NAV2: variants seen among roughly 807,000 people sequenced by gnomAD.
NAV2 encodes neuron navigator 2.
NAV2 carries 54 observed loss-of-function variants against 223.2 expected under a neutral mutation model. The observed-to-expected ratio is 0.24, with a 90% CI of 0.19 to 0.30. NAV2 has a LOEUF of 0.30. NAV2 is among the 10% of genes least tolerant of loss of function. NAV2 has a pLI of 1.00. For synonymous variants in NAV2, 1,279 were observed against 1,239.3 expected, an observed-to-expected ratio of 1.03 and a Z score of -0.67; for missense variants, 2,806 against 3,147.5, an observed-to-expected ratio of 0.89 and a Z score of 2.60.
At chr11:20,096,081 A>T (rs1488617211) in intron 30 of NAV2, among the ~76,000 whole-genome samples, 1 of 152,204 alleles carries the variant, frequency 6.6e-6, no homozygotes, top group Non-Finnish European at 1.5e-5. Context: ...TCACCTTAGA[A>T]TTGTGTCTTA....
rs1210536353 is a variant in NAV2, at chr11:20,027,981, A to T, written c.2769-7978A>T. 2.6e-5 allele frequency among the ~76,000 whole-genome samples: 4 copies of T among 152,356 alleles called. No individual in the cohort carries two copies. In the South Asian group the frequency reaches 8.3e-4, roughly 32 times the overall value. On this transcript the variant is annotated intron_variant, in intron 11 of 37. Transcript: ENST00000349880. The stretch of plus-strand genomic sequence containing the variant: ...TGAGAGATGAAATTGTAAATATCAT[A>T]TCACATTAATTCAGGACCATTACAG...
intron 6 of NAV2, chr11:19,931,851 G>C (rs1278733804): frequency 6.6e-6 from 1 of 152,288 alleles, no homozygotes; most frequent in Non-Finnish European, 1.5e-5. Context: ...CTGAAGGGGT[G>C]TATCCTGTCT....
rs2062547667 is a variant in NAV2, at chr11:20,110,649, C to A, written c.6960+2867C>A. Among the ~76,000 whole-genome samples, 2 of 152,162 alleles carry A rather than the reference C, an allele frequency of 1.3e-5. 1 individual carries two copies. The highest frequency in any genetic ancestry group is 4.1e-4 in the South Asian group (2 of 4,822). Reference sequence around the variant, plus strand: ...GGACACCCATCACTCCACTGAGAAGCCACAGGTGGCTTGGGGAACCAAATA... The same window carrying A: ...GGACACCCATCACTCCACTGAGAAGACACAGGTGGCTTGGGGAACCAAATA... On this transcript the variant is annotated intron_variant, in intron 36 of 37. Transcript: ENST00000349880.
At chr11:19,600,023 AGGAAGCACTGTGAG>A (rs1232362466) in intron 1 of NAV2, among the ~76,000 whole-genome samples, 1 of 152,214 alleles carries the variant, frequency 6.6e-6, no homozygotes, top group African/African-American at 2.4e-5. Flanking sequence ...AAGTGATTCC[AGGAAGCACTGTGAG>A]GGAGTGGGGA....
intron 1 of NAV2, among the ~76,000 whole-genome samples, chr11:19,741,086 GA>G (rs2052756867): frequency 6.6e-6 from 1 of 152,198 alleles, no homozygotes; most frequent in Admixed American, 6.5e-5. Flanking sequence ...AACCTTTTCT[GA>G]CATCAAGGCT....
At chr11:19,377,726 C>T (rs1848689925) in intron 1 of NAV2, among the ~76,000 whole-genome samples, 2 of 152,160 alleles carry the variant, frequency 1.3e-5, no homozygotes, top group South Asian at 4.1e-4. Context: ...AGACAAGACT[C>T]TCAAGGCCCT....
At position 19,880,174 on chromosome 11, in the gene NAV2, C is replaced by T. The variant is rs1170613643; in HGVS notation, c.770+47C>T. 7 of 1,506,288 alleles carry T rather than the reference C, an allele frequency of 4.6e-6. No homozygotes were observed. In the African/African-American group the frequency reaches 7.0e-5, roughly 15 times the overall value. The allele number at this position is 1,506,288 out of a possible 1,614,324, so 93.3% of individuals were successfully genotyped here. A position where few individuals can be genotyped will look rare whatever the true frequency, so the allele number is the denominator to read the frequency against. On this transcript the variant is annotated intron_variant, in intron 5 of 37. Transcript: ENST00000349880. Reference sequence around the variant, plus strand: ...ATGGTTCTGTTTTTCAGGCACCTTCCTCCACCCCAACCAATCTCTAGGCTA... The same window carrying T: ...ATGGTTCTGTTTTTCAGGCACCTTCTTCCACCCCAACCAATCTCTAGGCTA...
At chr11:19,968,666 C>T (rs1036165142) in intron 10 of NAV2, among the ~76,000 whole-genome samples, 7 of 152,174 alleles carry the variant, frequency 4.6e-5, no homozygotes, top group East Asian at 1.9e-4. Flanking sequence ...GAAGTGGAAG[C>T]GTTTGAACAA....
intron 1 of NAV2, among the ~76,000 whole-genome samples, chr11:19,392,247 A>G (rs1035628486): frequency 6.6e-6 from 1 of 152,232 alleles, no homozygotes. Context: ...TGATTTTCTC[A>G]TCTGTAAAAT....
chr11:19,681,958 C>T (rs2048891448), intron 1 of NAV2, among the ~76,000 whole-genome samples: 1 of 152,068 alleles, frequency 6.6e-6, no homozygotes, highest in Non-Finnish European at 1.5e-5. Flanking sequence ...GATAGATGTC[C>T]ACAATATCAA....
Position 20,093,147 on chromosome 11 carries a change from G to A in NAV2, c.5864G>A (p.Gly1955Asp), listed in dbSNP as rs752087705. Reference protein sequence around the residue: ...TGECSARKEGGRHVKIVVSFQ... With the variant: ...TGECSARKEGDRHVKIVVSFQ... ...GAATGCTCGGCTCGGAAGGAAGGAGGCAGGCATGTTAAGATAGTTGTCAGC... is the reference window on the plus strand; with the variant it reads ...GAATGCTCGGCTCGGAAGGAAGGAGACAGGCATGTTAAGATAGTTGTCAGC... The change falls in exon 29 of 38, where the codon GGC becomes GAC. Residue 1955 changes from glycine to aspartate, a missense_variant. Gly to Asp is a moderately conservative substitution (Grantham distance 94). Coordinates refer to ENST00000349880, the MANE Select transcript of NAV2 (RefSeq NM_145117.5). 1.4e-5 allele frequency: 23 copies of A among 1,613,950 alleles called. No homozygotes were observed. The highest frequency in any genetic ancestry group is 1.9e-5 in the Non-Finnish European group (23 of 1,179,980).
At position 19,412,511 on chromosome 11, in the gene NAV2, C is replaced by T. The variant is rs543805793; in HGVS notation, c.75+61484C>T. 1.0e-3 allele frequency among the ~76,000 whole-genome samples: 153 copies of T among 151,890 alleles called. 1 individual carries two copies. The highest frequency in any genetic ancestry group is 3.5e-3 in the African/African-American group (143 of 41,424). ...TGGGCACAGTTTCAGCAGACTTAAA[C>T]GTCTGCTGAAACGTCTCTCTGAAGA... On this transcript the variant is annotated intron_variant, in intron 1 of 37. Coordinates refer to the NAV2 transcript ENST00000360655.
At chr11:19,832,435 G>T in intron 1 of NAV2, 49 bp from the exon 2 acceptor site, 1 of 1,467,426 alleles carries the variant, frequency 6.8e-7, no homozygotes, top group South Asian at 1.1e-5. Flanking sequence ...CAGACTCTGA[G>T]AGGGGATCCG....
At chr11:19,950,692 A>G (rs1313634557) in intron 10 of NAV2, among the ~76,000 whole-genome samples, 1 of 152,242 alleles carries the variant, frequency 6.6e-6, no homozygotes, top group Admixed American at 6.5e-5. Flanking sequence ...GGGCAAAAGG[A>G]AAATTTCCCC....
At chr11:19,687,261 G>A (rs968121005) in intron 1 of NAV2, among the ~76,000 whole-genome samples, 1 of 152,238 alleles carries the variant, frequency 6.6e-6, no homozygotes, top group African/African-American at 2.4e-5. Flanking sequence ...GCTCTTGGCT[G>A]CATTGACACT....
intron 1 of NAV2, among the ~76,000 whole-genome samples, chr11:19,655,564 A>G (rs2048096889): frequency 6.6e-6 from 1 of 152,094 alleles, no homozygotes; most frequent in African/African-American, 2.4e-5. Context: ...ATGCAGCCAA[A>G]AAAAGGATGA....
At chr11:19,352,776 A>G (rs1459233960) in intron 1 of NAV2, among the ~76,000 whole-genome samples, 1 of 152,210 alleles carries the variant, frequency 6.6e-6, no homozygotes, top group Non-Finnish European at 1.5e-5. Context: ...AACTTTGTGT[A>G]GAAAGAATTA....
intron 1 of NAV2, among the ~76,000 whole-genome samples, chr11:19,671,119 A>G (rs1202350038): frequency 6.6e-6 from 1 of 152,230 alleles, no homozygotes; most frequent in East Asian, 1.9e-4. Context: ...GCCTATCATA[A>G]AAGAAGATGG....
At chr11:19,781,199 G>A (rs1341912685) in intron 1 of NAV2, among the ~76,000 whole-genome samples, 1 of 152,158 alleles carries the variant, frequency 6.6e-6, no homozygotes, top group African/African-American at 2.4e-5. Context: ...TTGTCTGATG[G>A]CAAAGGCTGT....
Sources: gnomAD v4.1 joint callset for allele counts (sites outside exome capture counted in the v4.1 genomes callset) on GRCh38, gnomAD v4.1.1 for gene constraint, MANE v1.5 for transcripts, NCBI Gene and HGNC (gene_info 2026-07-23, HGNC 2026-07-21) for gene names.